FGGY: variants seen among roughly 807,000 people sequenced by gnomAD.
FGGY encodes FGGY carbohydrate kinase domain containing.
Under a neutral mutation model 71.3 loss-of-function variants are expected in FGGY, and 72 were observed. The observed-to-expected ratio is 1.01, with a 90% CI of 0.84 to 1.23. FGGY has a LOEUF of 1.23. FGGY is among the 50% of genes most tolerant of loss of function. The pLI, the probability that FGGY is intolerant of heterozygous loss-of-function variation, is 0.00. For synonymous variants in FGGY, 251 were observed against 250.3 expected, an observed-to-expected ratio of 1.00 and a Z score of -0.02; for missense variants, 668 against 682.3, an observed-to-expected ratio of 0.98 and a Z score of 0.23.
chr1:59,598,238 T>C (rs1183150288), intron 8 of FGGY, among the ~76,000 whole-genome samples: 1 of 152,258 alleles, frequency 6.6e-6, no homozygotes. Flanking sequence ...GGCATTTGTA[T>C]ATAGAAGGCC....
chr1:59,701,752 C>T (rs75221702), intron 14 of FGGY, among the ~76,000 whole-genome samples: 4,505 of 151,908 alleles, frequency 0.03, 222 homozygotes, highest in African/African-American at 0.1. Flanking sequence ...GTAGTGGGCC[C>T]GAGATGGGAG....
At chr1:59,673,328 G>A (rs2097399616) in intron 13 of FGGY, among the ~76,000 whole-genome samples, 1 of 152,178 alleles carries the variant, frequency 6.6e-6, no homozygotes, top group African/African-American at 2.4e-5. Flanking sequence ...CAATTAGCAT[G>A]TGGGCATCTA....
At chr1:59,616,068 G>A (rs948593164) in intron 9 of FGGY, among the ~76,000 whole-genome samples, 1 of 152,194 alleles carries the variant, frequency 6.6e-6, no homozygotes, top group Non-Finnish European at 1.5e-5. Flanking sequence ...CATTGTGGAA[G>A]TCAGTGTGGT....
At chr1:59,514,338 C>T (rs550135764) in intron 7 of FGGY, among the ~76,000 whole-genome samples, 59 of 152,350 alleles carry the variant, frequency 3.9e-4, no homozygotes, top group Admixed American at 2.0e-3. Context: ...GCAGGCACTA[C>T]AGTTTCCTTG....
intron 5 of FGGY, among the ~76,000 whole-genome samples, chr1:59,452,891 TG>T (rs998354136): frequency 2.9e-4 from 44 of 152,244 alleles, no homozygotes; most frequent in African/African-American, 9.4e-4. Flanking sequence ...AACCTTTGGG[TG>T]GGGGTGACTA....
chr1:59,652,148 G>T (rs1357645855), intron 11 of FGGY, among the ~76,000 whole-genome samples: 1 of 152,086 alleles, frequency 6.6e-6, no homozygotes, highest in Admixed American at 6.6e-5. Context: ...GCTTCCCTTT[G>T]AGGGTAACCC....
chr1:59,757,874 C>T, intron 14 of FGGY, 57 bp from the exon 15 acceptor site: 1 of 1,252,148 alleles, frequency 8.0e-7, no homozygotes, highest in African/African-American at 1.5e-5. Flanking sequence ...CTGTGACAAG[C>T]CTCGCTTTGG....
chr1:59,594,754 T>G (rs1383756116), intron 8 of FGGY, among the ~76,000 whole-genome samples: 2 of 152,210 alleles, frequency 1.3e-5, no homozygotes, highest in Non-Finnish European at 2.9e-5. Context: ...GCCCACACTA[T>G]GCACAGAGGG....
intron 14 of FGGY, among the ~76,000 whole-genome samples, chr1:59,716,380 A>G (rs1337200033): frequency 2.0e-5 from 3 of 152,134 alleles, no homozygotes; most frequent in Non-Finnish European, 4.4e-5. Flanking sequence ...GGCCAATTCT[A>G]TGCCCATGAT....
chr1:59,621,938 C>T (rs2096812670), intron 9 of FGGY, among the ~76,000 whole-genome samples: 1 of 151,696 alleles, frequency 6.6e-6, no homozygotes, highest in South Asian at 2.1e-4. Context: ...TATATGGTAC[C>T]TTTGGCTATT....
intron 1 of FGGY, among the ~76,000 whole-genome samples, chr1:59,303,802 A>G (rs2043093427): frequency 6.6e-6 from 1 of 152,032 alleles, no homozygotes; most frequent in South Asian, 2.1e-4. Context: ...ATAGGTATGA[A>G]GTGATTTCTC....
At position 59,582,705 on chromosome 1, in the gene FGGY, G is replaced by A. The variant is rs996694265; in HGVS notation, c.904-25098G>A. On this transcript the variant is annotated intron_variant, in intron 8 of 15. Transcript: ENST00000303721. ...TACCTGTCATGGTGCGTATCCTTCTGTGTTTGTTGTTAGTTAACTGGCTTA... is the reference window on the plus strand; with the variant it reads ...TACCTGTCATGGTGCGTATCCTTCTATGTTTGTTGTTAGTTAACTGGCTTA... Among the ~76,000 whole-genome samples, 7 of 150,092 alleles carry A rather than the reference G, an allele frequency of 4.7e-5. 2 individuals carry two copies. Among genetic ancestry groups the A allele is most frequent in the African/African-American group, 1.8e-4 (7 of 39,730 alleles).
chr1:59,472,175 A>T (rs957885194), intron 6 of FGGY, among the ~76,000 whole-genome samples: 1 of 152,200 alleles, frequency 6.6e-6, no homozygotes, highest in Non-Finnish European at 1.5e-5. Context: ...CTTGCGGGCC[A>T]GCGTGAGTTC....
chr1:59,600,230 C>T (rs1017288773), intron 8 of FGGY, among the ~76,000 whole-genome samples: 16 of 152,066 alleles, frequency 1.1e-4, no homozygotes, highest in Non-Finnish European at 1.9e-4. Flanking sequence ...GACAGAGCAC[C>T]GTGACCTACT....
intron 14 of FGGY, among the ~76,000 whole-genome samples, chr1:59,703,065 G>A (rs769442116): frequency 2.3e-4 from 35 of 152,276 alleles, no homozygotes; most frequent in Middle Eastern, 3.4e-3. Flanking sequence ...CACGTAGGGA[G>A]CCTCTGCTCA....
chr1:59,349,043 G>A (rs79780279), intron 4 of FGGY, among the ~76,000 whole-genome samples: 11 of 152,058 alleles, frequency 7.2e-5, no homozygotes, highest in Non-Finnish European at 1.5e-4. Flanking sequence ...TGCGCTGCCC[G>A]GTACCCTGCT....
intron 4 of FGGY, among the ~76,000 whole-genome samples, chr1:59,364,225 A>G (rs1349916575): frequency 6.6e-6 from 1 of 152,124 alleles, no homozygotes. Context: ...GCAGCAATTC[A>G]GTGGTGCTGC....
chr1:59,688,161 A>G (rs1406194528), intron 14 of FGGY, among the ~76,000 whole-genome samples: 1 of 152,230 alleles, frequency 6.6e-6, no homozygotes, highest in Non-Finnish European at 1.5e-5. Context: ...AGCCAAGCAC[A>G]CTACAAGATA....
At chr1:59,507,017 A>G (rs2094402887) in intron 6 of FGGY, among the ~76,000 whole-genome samples, 1 of 152,222 alleles carries the variant, frequency 6.6e-6, no homozygotes, top group Non-Finnish European at 1.5e-5. Context: ...ATTAAATTTA[A>G]CAGTTTAACT....
Sources: gnomAD v4.1 joint callset for allele counts (sites outside exome capture counted in the v4.1 genomes callset) on GRCh38, gnomAD v4.1.1 for gene constraint, MANE v1.5 for transcripts, NCBI Gene and HGNC (gene_info 2026-07-23, HGNC 2026-07-21) for gene names.